The following RRP7A variants were observed in gnomAD, a reference collection of about 807,000 sequenced individuals.
RRP7A encodes ribosomal RNA-processing protein 7 homolog A.
RRP7A carries 27 observed loss-of-function variants against 38.4 expected under a neutral mutation model. The observed-to-expected ratio is 0.70, with a 90% CI of 0.52 to 0.97. The LOEUF (loss-of-function observed/expected upper bound fraction) is 0.97, where lower values mean the gene tolerates loss of function less well. Among genes scored for constraint, RRP7A ranks in the 50% least tolerant of loss-of-function variants. The pLI is 0.00. For missense variants in RRP7A, 327 were observed against 375.4 expected (o/e 0.87, Z 1.07); for synonymous variants, 124 against 150.3 (o/e 0.83, Z 1.28).
rs1932423665 is a variant in RRP7A at position 42,510,510 on chromosome 22, G to C, written c.*2400C>G. ...CCAGGGTCAAGGGACCCAGCTGTGGGAGTTGGGGTAGCCCAGGCTTTGGTT... is the reference window on the plus strand; with the variant it reads ...CCAGGGTCAAGGGACCCAGCTGTGGCAGTTGGGGTAGCCCAGGCTTTGGTT... On this transcript the variant is annotated 3_prime_UTR_variant, in exon 7 of 7. Transcript: ENST00000323013. 1 of 395,614 alleles carries C rather than the reference G, an allele frequency of 2.5e-6. No individual in the cohort carries two copies. The highest frequency in any genetic ancestry group is 4.7e-6 in the Non-Finnish European group (1 of 210,690). 24.5% of individuals were successfully genotyped at this position (395,614 alleles called of 1,614,324 possible).
intron 1 of RRP7A, 140 bp downstream of exon 1, chr22:42,519,574 T>G: frequency 1.5e-6 from 1 of 689,044 alleles, no homozygotes; most frequent in South Asian, 3.0e-5. Context: ...CCTCAAGACC[T>G]GCGGAGCCTG....
At position 42,514,780 on chromosome 22, in the gene RRP7A, C is replaced by CT. The variant is rs751304541; in HGVS notation, c.461-2dup. ...GAGTCTGCGTAGTCACTGATCCACTCTGAGGAAAAGGGAGCCAGGGAAACG... is the reference window on the plus strand; with the variant it reads ...GAGTCTGCGTAGTCACTGATCCACTCTTGAGGAAAAGGGAGCCAGGGAAACG... On this transcript the variant is annotated splice_acceptor_variant, in intron 4 of 6. Transcript: ENST00000323013. LOFTEE classifies it high-confidence loss of function. The CT allele has an allele frequency of 3.1e-6, 5 of 1,608,374 alleles. No homozygotes were observed. In the African/African-American group the frequency reaches 4.1e-5, roughly 13 times the overall value.
At chr22:42,518,776 T>C in intron 1 of RRP7A, 1 of 470,684 alleles carries the variant, frequency 2.1e-6, no homozygotes, top group Non-Finnish European at 4.4e-6. Context: ...CCCATGACTG[T>C]AATCCTCATA....
chr22:42,510,820 T>A lies in RRP7A; in HGVS notation c.*2090A>T. On this transcript the variant is annotated 3_prime_UTR_variant, in exon 7 of 7. Coordinates refer to ENST00000323013, the MANE Select transcript of RRP7A (RefSeq NM_015703.5). Reference sequence around the variant, plus strand: ...CTCATGCACTGGGAAAGACCCCTGGTCTGCCCCCAGGCCCAACAAGTGACC... The same window carrying A: ...CTCATGCACTGGGAAAGACCCCTGGACTGCCCCCAGGCCCAACAAGTGACC... 3 of 1,274,632 alleles carry A rather than the reference T, an allele frequency of 2.4e-6. No homozygotes were observed. Among genetic ancestry groups the A allele is most frequent in the Non-Finnish European group, 3.0e-6 (3 of 996,444 alleles). 79.0% of individuals were successfully genotyped at this position (1,274,632 alleles called of 1,614,324 possible). A position where few individuals can be genotyped will look rare whatever the true frequency, so the allele number is the denominator to read the frequency against.
chr22:42,518,442 G>A (rs1419247404), intron 1 of RRP7A, among the ~76,000 whole-genome samples: 75 of 152,002 alleles, frequency 4.9e-4, no homozygotes, highest in African/African-American at 1.7e-3. Context: ...TGGAGTCAAC[G>A]CCAAAATCCT....
intron 2 of RRP7A, 126 bp from the exon 3 acceptor site, chr22:42,516,262 C>T (rs921996597): frequency 9.8e-6 from 13 of 1,333,122 alleles, no homozygotes; most frequent in Admixed American, 2.0e-5. Context: ...CACATCTGCC[C>T]AAGCCGGGAG....
At position 42,509,481 on chromosome 22, in the gene RRP7A, C is replaced by T. The variant is rs1190062100; in HGVS notation, c.*3429G>A. 2.7e-5 allele frequency among the ~76,000 whole-genome samples: 4 copies of T among 150,284 alleles called. No homozygotes were observed. Among genetic ancestry groups the T allele is most frequent in the African/African-American group, 4.9e-5 (2 of 41,098 alleles). On this transcript the variant is annotated 3_prime_UTR_variant, in exon 7 of 7. Transcript: ENST00000323013. Reference sequence around the variant, plus strand: ...CCGAGTAGCTGGGACTACAGGCGCCCGCCACCACGCCTGGCTTATTTTTGT... The same window carrying T: ...CCGAGTAGCTGGGACTACAGGCGCCTGCCACCACGCCTGGCTTATTTTTGT...
chr22:42,514,478 C>T (rs1221449515), intron 5 of RRP7A, among the ~76,000 whole-genome samples, 174 bp from the exon 6 acceptor site: 18 of 152,120 alleles, frequency 1.2e-4, no homozygotes, highest in African/African-American at 2.9e-4. Context: ...ACGGACCTGC[C>T]GGCACTGCCT....
At position 42,512,506 on chromosome 22, in the gene RRP7A, C is replaced by T; in HGVS notation, c.*404G>A. 1.8e-6 allele frequency: 1 copy of T among 556,224 alleles called. No homozygotes were observed. 34.5% of individuals were successfully genotyped at this position (556,224 alleles called of 1,614,324 possible). On this transcript the variant is annotated 3_prime_UTR_variant, in exon 7 of 7. Transcript: ENST00000323013. ...GGAAGGAAGGGCGGGCTGGGCCCAC[C>T]TAGCCTTTCCCTGCTGCCCAACTGG...
intron 1 of RRP7A, among the ~76,000 whole-genome samples, chr22:42,519,020 G>A (rs1920939347): frequency 6.8e-6 from 1 of 147,550 alleles, no homozygotes; most frequent in African/African-American, 2.5e-5. Flanking sequence ...TTAAAGCTCA[G>A]GCCAGAACGC....
chr22:42,515,925 G>C, intron 3 of RRP7A, 86 bp downstream of exon 3: 2 of 1,465,898 alleles, frequency 1.4e-6, no homozygotes, highest in Non-Finnish European at 1.8e-6. Context: ...AGAATGCTCT[G>C]ATGTCCCACT....
rs1373424293 is a variant in RRP7A at position 42,514,270 on chromosome 22, G to C, written c.593C>G (p.Pro198Arg). 6.3e-7 allele frequency: 1 copy of C among 1,599,714 alleles called. No individual in the cohort carries two copies. ...CACCTTCACCCAGCCCTCCTCGTCA[G>C]GGACCCCCTCCTCCTCCTTGGCCTT... ...EAKAKEEEGVPDEEGWVKVTR... is the reference protein window; with the variant it reads ...EAKAKEEEGVRDEEGWVKVTR... Residue 198 changes from proline (P) to arginine (R), a missense_variant, in exon 6 of 7, where the codon CCT becomes CGT. Around this residue, in one of 5 missense-constraint regions of RRP7A, gnomAD observed 46 missense variants for 93.0 expected, o/e 0.49. Transcript: ENST00000323013.
At chr22:42,518,652 T>C (rs1451458175) in intron 1 of RRP7A, 2 of 470,534 alleles carry the variant, frequency 4.3e-6, no homozygotes, top group East Asian at 1.4e-4. Context: ...AGGAGAGCCT[T>C]AGCATCACCT....
Position 42,519,716 on chromosome 22 carries a change from G to GC in RRP7A, c.70dup (p.Ala24GlyfsTer9). The GC allele has an allele frequency of 6.9e-7, 1 of 1,459,534 alleles. No homozygotes were observed. Among genetic ancestry groups the GC allele is most frequent in the Non-Finnish European group, 9.0e-7 (1 of 1,107,394 alleles). The allele number at this position is 1,459,534 out of a possible 1,614,324, so 90.4% of individuals were successfully genotyped here. A position where few individuals can be genotyped will look rare whatever the true frequency, so the allele number is the denominator to read the frequency against. ...TCTCGCGTCCCGGAGCCCCTCACCTGCGTAGCCCAGTGGGCTGGGGATACG... is the reference window on the plus strand; with the variant it reads ...TCTCGCGTCCCGGAGCCCCTCACCTGCCGTAGCCCAGTGGGCTGGGGATACG... On this transcript the variant is annotated frameshift_variant, in exon 1 of 7. Coordinates refer to ENST00000323013, the MANE Select transcript of RRP7A (RefSeq NM_015703.5). LOFTEE classifies it high-confidence loss of function.
rs1473953756 is a variant in RRP7A at position 42,510,389 on chromosome 22, C to T, written c.*2521G>A. The T allele has an allele frequency of 4.1e-5, 9 of 218,342 alleles. No individual in the cohort carries two copies. The highest frequency in any genetic ancestry group is 6.4e-5 in the Non-Finnish European group (7 of 109,892). The allele number at this position is 218,342 out of a possible 1,614,324, so 13.5% of individuals were successfully genotyped here. A position where few individuals can be genotyped will look rare whatever the true frequency, so the allele number is the denominator to read the frequency against. ...GCTGACTGTGACCAAGTCCTGAACT[C>T]CCTGCGCCCCAGCAAGGCTGTGCCT... is the stretch of plus-strand genomic sequence containing the variant. On this transcript the variant is annotated 3_prime_UTR_variant, in exon 7 of 7. Coordinates refer to ENST00000323013, the MANE Select transcript of RRP7A (RefSeq NM_015703.5).
rs1215865285 is a variant in RRP7A, at chr22:42,517,921, G to A, written c.216+84C>T. The A allele has an allele frequency of 1.2e-4, 180 of 1,491,918 alleles. 1 individual carries two copies. In the South Asian group the frequency reaches 1.3e-3, roughly 11 times the overall value. 92.4% of individuals were successfully genotyped at this position (1,491,918 alleles called of 1,614,324 possible). On this transcript the variant is annotated intron_variant, in intron 2 of 6. Coordinates refer to ENST00000323013, the MANE Select transcript of RRP7A (RefSeq NM_015703.5). ...TCTGGGGCTCCCATTAGCTGTGTCC[G>A]TCTCACCACCAAGGACTTGGTGGAG... is the stretch of plus-strand genomic sequence containing the variant.
In RRP7A at chr22:42,517,985, C is replaced by A. The variant is rs1427135780; in HGVS notation, c.216+20G>T. On this transcript the variant is annotated intron_variant, in intron 2 of 6. Transcript: ENST00000323013. The stretch of plus-strand genomic sequence containing the variant: ...CCACCTTGAGCCCACAGGTCTCCTC[C>A]CAGACAGACACTAGCTCACCTCTGT... The A allele has an allele frequency of 3.7e-6, 6 of 1,609,602 alleles. No individual in the cohort carries two copies. The highest frequency in any genetic ancestry group is 5.1e-6 in the Non-Finnish European group (6 of 1,177,758).
chr22:42,518,634 G>A (rs1441555543), intron 1 of RRP7A: 3 of 470,234 alleles, frequency 6.4e-6, no homozygotes, highest in East Asian at 6.9e-5. Context: ...CTCAAACCTC[G>A]CTTCCTCAGG....
At position 42,510,450 on chromosome 22, in the gene RRP7A, G is replaced by A. The variant is rs1932421306; in HGVS notation, c.*2460C>T. Reference sequence around the variant, plus strand: ...CTTGCGCCTGGCTTGTGCCAGCTGAGCGTGAGCTGAGATTAACTGAGCCTC... The same window carrying A: ...CTTGCGCCTGGCTTGTGCCAGCTGAACGTGAGCTGAGATTAACTGAGCCTC... On this transcript the variant is annotated 3_prime_UTR_variant, in exon 7 of 7. Transcript: ENST00000323013. 3.3e-6 allele frequency: 1 copy of A among 302,430 alleles called. No individual in the cohort carries two copies. The highest frequency in any genetic ancestry group is 6.4e-6 in the Non-Finnish European group (1 of 156,280). 18.7% of individuals were successfully genotyped at this position (302,430 alleles called of 1,614,324 possible).
Sources: gnomAD v4.1 joint callset for allele counts (sites outside exome capture counted in the v4.1 genomes callset) on GRCh38, gnomAD v4.1.1 for gene constraint, gnomAD v4.1.1 regional missense constraint, MANE v1.5 for transcripts, NCBI Gene and HGNC (gene_info 2026-07-23, HGNC 2026-07-21) for gene names.